PTCD3: variants seen among roughly 807,000 people sequenced by gnomAD.
PTCD3 encodes the protein small ribosomal subunit protein mS39.
Under a neutral mutation model 101.9 loss-of-function variants are expected in PTCD3, and 89 were observed. The ratio of observed to expected loss-of-function variants is 0.87; its 90% CI spans 0.74 to 1.04. The LOEUF (loss-of-function observed/expected upper bound fraction) is 1.04. Ranked by LOEUF, PTCD3 falls within the 50% of genes least tolerant of loss-of-function variation. PTCD3 has a pLI of 0.00. For synonymous variants in PTCD3, 296 were observed against 278.5 expected (o/e 1.06, Z -0.63); for missense variants, 870 against 828.2 (o/e 1.05, Z -0.62).
At chr2:86,125,665 G>C in intron 11 of PTCD3, 130 bp from the exon 12 acceptor site, 1 of 1,045,160 alleles carries the variant, frequency 9.6e-7, no homozygotes, top group South Asian at 1.5e-5. Flanking sequence ...ATCCAGAGAG[G>C]AGAGTAGTTT....
chr2:86,136,841 A>C, intron 22 of PTCD3, 141 bp from the exon 23 acceptor site: 1 of 1,149,704 alleles, frequency 8.7e-7, no homozygotes, highest in Non-Finnish European at 1.3e-6. Flanking sequence ...CACTGGAAAC[A>C]AGTAAAAATA....
chr2:86,123,821 C>A, intron 9 of PTCD3, 59 bp downstream of exon 9: 1 of 1,101,268 alleles, frequency 9.1e-7, no homozygotes, highest in South Asian at 1.9e-5. Flanking sequence ...TGGAATATGC[C>A]CCATCACCCT....
At chr2:86,125,659 A>T in intron 11 of PTCD3, 136 bp from the exon 12 acceptor site, 1 of 1,096,268 alleles carries the variant, frequency 9.1e-7, no homozygotes, top group Non-Finnish European at 1.3e-6. Flanking sequence ...GTAGAGATCC[A>T]GAGAGGAGAG....
chr2:86,119,712 T>TA (rs1433507189), intron 7 of PTCD3: 1 of 152,192 alleles, frequency 6.6e-6, no homozygotes, highest in African/African-American at 2.4e-5. Flanking sequence ...AAGAAAGAAA[T>TA]ACGTGAAAAG....
chr2:86,112,681 C>CCAA (rs1491581177), intron 4 of PTCD3, among the ~76,000 whole-genome samples: 26 of 81,258 alleles, frequency 3.2e-4, no homozygotes, highest in African/African-American at 1.1e-3. Context: ...GACTCTGTCT[C>CCAA]AAAAAAAAAA....
In PTCD3 at chr2:86,133,327, A is replaced by G. The variant is rs1405630665; in HGVS notation, c.1453-19A>G. ...GTTTCTGCAGATTAATGCTTTAAAAATGTGTTTCTCTTAATCAGGCCTACT... is the reference window on the plus strand; with the variant it reads ...GTTTCTGCAGATTAATGCTTTAAAAGTGTGTTTCTCTTAATCAGGCCTACT... On this transcript the variant is annotated intron_variant, in intron 18 of 23. Coordinates refer to ENST00000254630, the MANE Select transcript of PTCD3 (RefSeq NM_017952.6). 1 of 1,613,936 alleles carries G rather than the reference A, an allele frequency of 6.2e-7. No individual in the cohort carries two copies. The highest frequency in any genetic ancestry group is 8.5e-7 in the Non-Finnish European group (1 of 1,179,976).
Position 86,112,541 on chromosome 2 carries a change from C to T in PTCD3, c.240+1383C>T, listed in dbSNP as rs115835784. ...ACCAAAACAACAAAAACAAAAATTA[C>T]GAGGCATGGTGGCACCTGTAGTCCT... On this transcript the variant is annotated intron_variant, in intron 4 of 23. Transcript: ENST00000254630. Among the ~76,000 whole-genome samples the T allele has an allele frequency of 1.7e-3, 251 of 151,626 alleles. 2 individuals are homozygous for T. The highest frequency in any genetic ancestry group is 5.8e-3 in the African/African-American group (240 of 41,376).
Position 86,118,952 on chromosome 2 carries a change from T to G in PTCD3, c.446T>G (p.Ile149Ser). 6.2e-7 allele frequency: 1 copy of G among 1,613,930 alleles called. No homozygotes were observed. Residue 149 changes from isoleucine (I) to serine (S), a missense_variant, in exon 7 of 24, where the codon ATC becomes AGC. Transcript: ENST00000254630. ...ATGCCTGAGTACTTTGAACCTCAGATCAAAGACATAAGTGAAGCCGCCCTG... is the reference window on the plus strand; with the variant it reads ...ATGCCTGAGTACTTTGAACCTCAGAGCAAAGACATAAGTGAAGCCGCCCTG... ...CLMPEYFEPQ[I>S]KDISEAALKE...
chr2:86,128,109 T>A, intron 14 of PTCD3, 118 bp downstream of exon 14: 1 of 911,396 alleles, frequency 1.1e-6, no homozygotes, highest in Non-Finnish European at 1.8e-6. Context: ...AGAGAATTTG[T>A]AAATTAACCT....
chr2:86,122,077 G>T (rs971799205), intron 8 of PTCD3, among the ~76,000 whole-genome samples: 2 of 152,114 alleles, frequency 1.3e-5, no homozygotes, highest in African/African-American at 4.8e-5. Flanking sequence ...AAATCCTTTG[G>T]ATCAGTCAAA....
intron 10 of PTCD3, 116 bp from the exon 11 acceptor site, chr2:86,125,339 T>A: frequency 8.4e-7 from 1 of 1,188,526 alleles, no homozygotes; most frequent in Non-Finnish European, 1.2e-6. Context: ...ATGAGCTTCA[T>A]GAGAACAGGA....
At position 86,137,729 on chromosome 2, in the gene PTCD3, C is replaced by T. The variant is rs1177310611; in HGVS notation, c.*170C>T. ...CACAGCTGACTTATGTAGATTTAAG[C>T]TGCTAATATGCTACTTAACCATCTA... On this transcript the variant is annotated 3_prime_UTR_variant, in exon 24 of 24. Transcript: ENST00000254630. 8.0e-6 allele frequency: 7 copies of T among 873,120 alleles called. No individual in the cohort carries two copies. In the Admixed American group the frequency reaches 1.2e-4, roughly 15 times the overall value. 54.1% of individuals were successfully genotyped at this position (873,120 alleles called of 1,614,324 possible).
intron 7 of PTCD3, among the ~76,000 whole-genome samples, chr2:86,120,043 G>C (rs775041836): frequency 6.6e-6 from 1 of 152,288 alleles, no homozygotes; most frequent in African/African-American, 2.4e-5. Context: ...TTGAACACAA[G>C]AAACATTTGC....
At chr2:86,106,875 G>C (rs1673964098) in intron 1 of PTCD3, among the ~76,000 whole-genome samples, 1 of 152,178 alleles carries the variant, frequency 6.6e-6, no homozygotes, top group African/African-American at 2.4e-5. Context: ...TGACCTATCT[G>C]TGTAATTTTT....
intron 16 of PTCD3, 143 bp from the exon 17 acceptor site, chr2:86,132,175 C>G (rs535827109): frequency 9.2e-6 from 5 of 545,524 alleles, no homozygotes; most frequent in Non-Finnish European, 1.3e-5. Context: ...TGTCTCCCCC[C>G]CATTTCTTAT....
chr2:86,107,801 G>A (rs1673991114), intron 1 of PTCD3, among the ~76,000 whole-genome samples: 1 of 152,116 alleles, frequency 6.6e-6, no homozygotes, highest in South Asian at 2.1e-4. Context: ...TTCTGATCAG[G>A]GCAGTATCTG....
At position 86,140,439 on chromosome 2, in the gene PTCD3, C is replaced by T. The variant is rs1260179859; in HGVS notation, c.*2880C>T. The T allele has an allele frequency of 2.0e-5, 3 of 152,102 alleles. No individual in the cohort carries two copies. Among genetic ancestry groups the T allele is most frequent in the Admixed American group, 1.3e-4 (2 of 15,270 alleles). 9.4% of individuals were successfully genotyped at this position (152,102 alleles called of 1,614,324 possible). On this transcript the variant is annotated 3_prime_UTR_variant, in exon 24 of 24. Coordinates refer to ENST00000254630, the MANE Select transcript of PTCD3 (RefSeq NM_017952.6). ...TGAAATGCATTAGAACATCTAAGCA[C>T]GTCACCTACAGTTTTGTGATGGTGC...
chr2:86,125,185 G>C (rs115052758), intron 10 of PTCD3, 103 bp downstream of exon 10: 43,849 of 1,504,128 alleles, frequency 0.029, 792 homozygotes, highest in Non-Finnish European at 0.035. Flanking sequence ...TGTGGGGTCT[G>C]TCCTGTGCAT....
At chr2:86,110,301 T>C (rs1573846454) in intron 3 of PTCD3, among the ~76,000 whole-genome samples, 1 of 152,272 alleles carries the variant, frequency 6.6e-6, no homozygotes, top group Non-Finnish European at 1.5e-5. Context: ...GTGGATATTA[T>C]GTACATCAGG....
Sources: allele counts gnomAD v4.1 joint callset (sites outside exome capture counted in the v4.1 genomes callset), GRCh38; gene constraint gnomAD v4.1.1; transcripts MANE v1.5; gene names NCBI Gene and HGNC (gene_info 2026-07-23, HGNC 2026-07-21).